The following PCDH15 variants were observed in gnomAD, a reference collection of about 807,000 sequenced individuals.
PCDH15 encodes protocadherin related 15, also known as protocadherin-15.
A neutral mutation model predicts 178.5 loss-of-function variants in PCDH15; 129 were observed. That is an observed-to-expected ratio of 0.72 (90% CI 0.63 to 0.84). PCDH15 has a LOEUF of 0.84. Among genes scored for constraint, PCDH15 ranks in the 40% least tolerant of loss-of-function variants. PCDH15 has a pLI of 0.00. For missense variants in PCDH15, 2,230 were observed against 2,099.9 expected (o/e 1.06, Z -1.21); for synonymous variants, 800 against 732.0 (o/e 1.09, Z -1.50).
intron 8 of PCDH15, among the ~76,000 whole-genome samples, chr10:54,308,827 A>C (rs1448319886): frequency 2.0e-5 from 3 of 151,278 alleles, no homozygotes; most frequent in Non-Finnish European, 4.4e-5. Flanking sequence ...CACCACTTTT[A>C]GAATCACAAT....
intron 20 of PCDH15, among the ~76,000 whole-genome samples, chr10:54,011,856 A>G (rs1397776325): frequency 1.3e-5 from 2 of 152,188 alleles, no homozygotes; most frequent in Non-Finnish European, 2.9e-5. Context: ...CCAGTGCAAG[A>G]ACTTTGGCAA....
intron 8 of PCDH15, among the ~76,000 whole-genome samples, chr10:54,284,303 C>A (rs146623372): frequency 5.7e-4 from 87 of 152,252 alleles, no homozygotes; most frequent in African/African-American, 2.0e-3. Flanking sequence ...TGAAAAGATG[C>A]TTTGAAAGTA....
At chr10:54,729,103 A>ATTCCTC in intron 1 of PCDH15, among the ~76,000 whole-genome samples, 1 of 151,602 alleles carries the variant, frequency 6.6e-6, no homozygotes, top group Non-Finnish European at 1.5e-5. Flanking sequence ...AAAGAGCCTG[A>ATTCCTC]ATAGCCAAAG....
intron 2 of PCDH15, among the ~76,000 whole-genome samples, chr10:55,101,922 TTTTTAGGATATAATGTTTTATAAAATG>T (rs1213852561): frequency 6.6e-6 from 1 of 151,694 alleles, no homozygotes; most frequent in Non-Finnish European, 1.5e-5. Context: ...AATAATTACA[TTTTTAGGATATAATGTTTTATAAAATG>T]TTATATATCT....
chr10:55,609,961 G>GA (rs1843331025), intron 2 of PCDH15, among the ~76,000 whole-genome samples: 1 of 151,992 alleles, frequency 6.6e-6, no homozygotes, highest in African/African-American at 2.4e-5. Flanking sequence ...ATAATAAGGA[G>GA]AAAAAATTGA....
chr10:53,881,561 C>A (rs58841723), intron 26 of PCDH15, among the ~76,000 whole-genome samples: 11,257 of 152,034 alleles, frequency 0.074, 1,187 homozygotes, highest in African/African-American at 0.23. Context: ...AAACTGAGTA[C>A]ACATAATAAA....
chr10:54,501,984 G>C (rs1040779270), intron 3 of PCDH15, among the ~76,000 whole-genome samples: 1 of 151,846 alleles, frequency 6.6e-6, no homozygotes, highest in Non-Finnish European at 1.5e-5. Context: ...AATATAATAT[G>C]TTAGCTGTTC....
chr10:55,410,682 T>C (rs975050957), intron 2 of PCDH15, among the ~76,000 whole-genome samples: 4 of 152,050 alleles, frequency 2.6e-5, no homozygotes, highest in Admixed American at 6.6e-5. Flanking sequence ...GCTGGATCAG[T>C]GGCTATTATT....
intron 2 of PCDH15, among the ~76,000 whole-genome samples, chr10:54,533,462 CAAT>C (rs1352124979): frequency 6.6e-6 from 1 of 151,608 alleles, no homozygotes; most frequent in African/African-American, 2.4e-5. Context: ...AGAGAGCTCA[CAAT>C]AATAGACAAA....
At chr10:54,689,707 G>A (rs183789577) in intron 1 of PCDH15, among the ~76,000 whole-genome samples, 26 of 152,250 alleles carry the variant, frequency 1.7e-4, no homozygotes, top group Non-Finnish European at 3.7e-4. Flanking sequence ...GTTATACATA[G>A]AGCAGAAGGC....
Position 54,403,721 on chromosome 10 carries a change from A to G in PCDH15, c.158-24779T>C, listed in dbSNP as rs1952238656. Among the ~76,000 whole-genome samples, 4 of 151,906 alleles carry G rather than the reference A, an allele frequency of 2.6e-5. No individual in the cohort carries two copies. In the South Asian group the frequency reaches 8.3e-4, roughly 32 times the overall value. ...AAATCTAGGCCCATAAGATCCTTAA[A>G]TTGATAAACAACTTCAGCAAGTCTC... On this transcript the variant is annotated intron_variant, in intron 3 of 37. Coordinates refer to ENST00000644397, the MANE Select transcript of PCDH15 (RefSeq NM_001384140.1).
intron 2 of PCDH15, among the ~76,000 whole-genome samples, chr10:55,156,217 C>A (rs1028650760): frequency 6.6e-6 from 1 of 151,998 alleles, no homozygotes. Flanking sequence ...GAATATTTAG[C>A]TTTAGGAGGT....
chr10:55,097,581 A>C (rs1419272658), intron 2 of PCDH15, among the ~76,000 whole-genome samples: 2 of 152,182 alleles, frequency 1.3e-5, no homozygotes, highest in Admixed American at 6.6e-5. Flanking sequence ...ACATTCCTAC[A>C]GTGCACTTAC....
At position 54,545,055 on chromosome 10, in the gene PCDH15, G is replaced by C. The variant is rs9787725; in HGVS notation, c.92-17178C>G. Among the ~76,000 whole-genome samples, 3 of 151,828 alleles carry C rather than the reference G, an allele frequency of 2.0e-5. No homozygotes were observed. In the South Asian group the frequency reaches 6.2e-4, roughly 31 times the overall value. On this transcript the variant is annotated intron_variant, in intron 2 of 37. Coordinates refer to ENST00000644397, the MANE Select transcript of PCDH15 (RefSeq NM_001384140.1). Reference sequence around the variant, plus strand: ...CTAAAGTTCATGAACTTGACACTAAGGGAAAGCCCCAGAATGGATTAGAAA... The same window carrying C: ...CTAAAGTTCATGAACTTGACACTAACGGAAAGCCCCAGAATGGATTAGAAA...
chr10:54,634,832 T>C (rs949663763), intron 2 of PCDH15, among the ~76,000 whole-genome samples: 2 of 152,034 alleles, frequency 1.3e-5, no homozygotes, highest in African/African-American at 4.8e-5. Flanking sequence ...CTTATTCTTA[T>C]CCATGCTCCT....
intron 2 of PCDH15, among the ~76,000 whole-genome samples, chr10:55,432,163 T>C (rs1008680440): frequency 1.3e-5 from 2 of 151,736 alleles, no homozygotes; most frequent in Non-Finnish European, 2.9e-5. Flanking sequence ...ATTGATCAGT[T>C]AATATTTCAG....
intron 2 of PCDH15, among the ~76,000 whole-genome samples, chr10:55,470,351 A>C (rs1479386779): frequency 1.3e-5 from 2 of 151,990 alleles, no homozygotes; most frequent in Admixed American, 1.3e-4. Flanking sequence ...CTCTCAAAAA[A>C]GAAAAAAAAA....
chr10:54,124,131 G>A (rs904116127), intron 15 of PCDH15, among the ~76,000 whole-genome samples: 2 of 152,000 alleles, frequency 1.3e-5, no homozygotes, highest in Admixed American at 1.3e-4. Context: ...TATAATAAAC[G>A]TGTACATGTA....
At chr10:54,575,307 A>T (rs7070440) in intron 2 of PCDH15, 1 of 152,408 alleles carries the variant, frequency 6.6e-6, no homozygotes, top group Admixed American at 6.6e-5. Flanking sequence ...TAATAAAAAA[A>T]AAAACTGAAA....
Sources: gnomAD v4.1 joint callset for allele counts (sites outside exome capture counted in the v4.1 genomes callset) on GRCh38, gnomAD v4.1.1 for gene constraint, MANE v1.5 for transcripts, NCBI Gene and HGNC (gene_info 2026-07-23, HGNC 2026-07-21) for gene names.